The following PLEKHA5 variants were observed in gnomAD, a reference collection of about 807,000 sequenced individuals.
The protein encoded by PLEKHA5 is pleckstrin homology domain containing A5.
A neutral mutation model predicts 181.9 loss-of-function variants in PLEKHA5; 55 were observed. The observed-to-expected ratio is 0.30, with a 90% CI of 0.24 to 0.38. The LOEUF (loss-of-function observed/expected upper bound fraction) is 0.38. Ranked by LOEUF, PLEKHA5 falls within the 10% of genes least tolerant of loss-of-function variation. The pLI is 1.00. For missense variants in PLEKHA5, 1,432 were observed against 1,549.5 expected, an observed-to-expected ratio of 0.92 and a Z score of 1.27; for synonymous variants, 535 against 529.4, an observed-to-expected ratio of 1.01 and a Z score of -0.15.
intron 31 of PLEKHA5, chr12:19,373,721 C>T (rs2095643666): frequency 6.6e-6 from 1 of 150,618 alleles, no homozygotes; most frequent in Non-Finnish European, 1.5e-5. Flanking sequence ...TAACACAAAA[C>T]ATAGGAAAAA....
intron 3 of PLEKHA5, among the ~76,000 whole-genome samples, chr12:19,205,617 T>A (rs952023850): frequency 6.6e-6 from 1 of 152,152 alleles, no homozygotes; most frequent in Non-Finnish European, 1.5e-5. Flanking sequence ...CTTATTCTTC[T>A]GAAATATTTC....
At chr12:19,181,175 T>C (rs777432526) in intron 3 of PLEKHA5, among the ~76,000 whole-genome samples, 1 of 152,186 alleles carries the variant, frequency 6.6e-6, no homozygotes, top group Non-Finnish European at 1.5e-5. Flanking sequence ...CTATAGCACA[T>C]TGGATAGCCA....
At chr12:19,375,187 G>A (rs1240561009) in intron 31 of PLEKHA5, among the ~76,000 whole-genome samples, 1 of 151,958 alleles carries the variant, frequency 6.6e-6, no homozygotes, top group South Asian at 2.1e-4. Flanking sequence ...AGCCAGGCAT[G>A]GTGATATGTG....
chr12:19,182,259 C>T (rs983105233), intron 3 of PLEKHA5, among the ~76,000 whole-genome samples: 28 of 152,122 alleles, frequency 1.8e-4, no homozygotes, highest in Admixed American at 6.5e-5. Flanking sequence ...AGCTGTGAAG[C>T]AGATTGTTTT....
chr12:19,189,872 C>G (rs923271773), intron 3 of PLEKHA5, among the ~76,000 whole-genome samples: 2 of 152,168 alleles, frequency 1.3e-5, no homozygotes, highest in African/African-American at 4.8e-5. Context: ...CTTTTGAGAA[C>G]AGCCAGAATT....
chr12:19,243,803 C>G (rs1270610954), intron 3 of PLEKHA5, among the ~76,000 whole-genome samples: 2 of 152,154 alleles, frequency 1.3e-5, no homozygotes, highest in East Asian at 3.9e-4. Flanking sequence ...AGATTGCTAA[C>G]TCAGTGGTTA....
chr12:19,160,258 GTCATC>G (rs1484338120), intron 3 of PLEKHA5, among the ~76,000 whole-genome samples: 2 of 151,900 alleles, frequency 1.3e-5, no homozygotes, highest in Non-Finnish European at 2.9e-5. Context: ...AACACTGACA[GTCATC>G]TCATCCCATT....
intron 12 of PLEKHA5, among the ~76,000 whole-genome samples, chr12:19,286,971 CA>C (rs937923424): frequency 3.4e-5 from 5 of 146,032 alleles, no homozygotes; most frequent in African/African-American, 7.6e-5. Flanking sequence ...CTTCAAAAAA[CA>C]AAAAAAAAAA....
At chr12:19,202,146 A>T (rs929816208) in intron 3 of PLEKHA5, 1 of 299,362 alleles carries the variant, frequency 3.3e-6, no homozygotes, top group African/African-American at 2.3e-5. Context: ...ACTGCCTTTT[A>T]GGTCACATTT....
At chr12:19,375,291 C>A (rs1991588) in intron 31 of PLEKHA5, among the ~76,000 whole-genome samples, 2 of 151,840 alleles carry the variant, frequency 1.3e-5, no homozygotes, top group African/African-American at 2.4e-5. Flanking sequence ...ACCACTGCAC[C>A]CCAGCCTAGG....
chr12:19,343,216 A>G (rs2094071106), intron 21 of PLEKHA5, 107 bp from the exon 22 acceptor site: 1 of 603,594 alleles, frequency 1.7e-6, no homozygotes, highest in African/African-American at 1.9e-5. Flanking sequence ...CACTTAATTC[A>G]CTGCAATTTG....
At chr12:19,214,782 G>A (rs781253964) in intron 3 of PLEKHA5, among the ~76,000 whole-genome samples, 4 of 152,076 alleles carry the variant, frequency 2.6e-5, no homozygotes, top group African/African-American at 4.8e-5. Context: ...GGTGTTAAGA[G>A]CCCATCTGAA....
intron 3 of PLEKHA5, among the ~76,000 whole-genome samples, chr12:19,216,700 AGAC>A (rs1180127921): frequency 6.6e-6 from 1 of 151,886 alleles, no homozygotes; most frequent in Non-Finnish European, 1.5e-5. Context: ...GGCAGAGCCT[AGAC>A]TACCTAAGGG....
At chr12:19,334,829 A>AAAATATAT in intron 20 of PLEKHA5, among the ~76,000 whole-genome samples, 8 of 18,602 alleles carry the variant, frequency 4.3e-4, no homozygotes, top group African/African-American at 9.7e-4. Context: ...AAAAAAAAAA[A>AAAATATAT]ATATATATAT....
intron 3 of PLEKHA5, among the ~76,000 whole-genome samples, chr12:19,138,700 T>C (rs2036423411): frequency 6.6e-6 from 1 of 151,758 alleles, no homozygotes; most frequent in Non-Finnish European, 1.5e-5. Context: ...AGGGTATAGA[T>C]GGGATTCACT....
At chr12:19,255,874 T>C (rs2066731762) in intron 5 of PLEKHA5, among the ~76,000 whole-genome samples, 1 of 124,536 alleles carries the variant, frequency 8.0e-6, no homozygotes, top group South Asian at 2.4e-4. Flanking sequence ...AAAAAAACAA[T>C]GGAAGATTTG....
At chr12:19,229,146 T>C (rs1280952785) in intron 3 of PLEKHA5, among the ~76,000 whole-genome samples, 3 of 152,200 alleles carry the variant, frequency 2.0e-5, no homozygotes, top group Admixed American at 6.5e-5. Context: ...GTTTAGTTTG[T>C]TTTTTGTTTG....
chr12:19,141,404 T>C (rs2037244059), intron 3 of PLEKHA5, among the ~76,000 whole-genome samples: 1 of 152,176 alleles, frequency 6.6e-6, no homozygotes, highest in Non-Finnish European at 1.5e-5. Flanking sequence ...GGCACTAACA[T>C]TGGCAAGCCA....
intron 11 of PLEKHA5, 122 bp downstream of exon 11, chr12:19,275,105 T>G: frequency 1.6e-6 from 1 of 636,176 alleles, no homozygotes; most frequent in Non-Finnish European, 2.7e-6. Context: ...ATAGCTTCAT[T>G]ACTACGTCTT....
Sources: allele counts gnomAD v4.1 joint callset (sites outside exome capture counted in the v4.1 genomes callset), GRCh38; gene constraint gnomAD v4.1.1; transcripts MANE v1.5; gene names NCBI Gene and HGNC (gene_info 2026-07-23, HGNC 2026-07-21).